Variants in DTNB observed in about 807,000 individuals in gnomAD.
DTNB encodes the protein dystrobrevin beta.
DTNB carries 63 observed loss-of-function variants against 90.7 expected under a neutral mutation model. The observed-to-expected ratio is 0.69, with a 90% CI of 0.57 to 0.86. DTNB has a LOEUF of 0.86. Ranked by LOEUF, DTNB falls within the 40% of genes least tolerant of loss-of-function variation. DTNB has a pLI of 0.00. For missense variants in DTNB, 744 were observed against 807.1 expected (o/e 0.92, Z 0.95); for synonymous variants, 277 against 286.7 (o/e 0.97, Z 0.34).
intron 10 of DTNB, among the ~76,000 whole-genome samples, chr2:25,464,106 G>A (rs1247991377): frequency 1.3e-5 from 2 of 152,108 alleles, no homozygotes; most frequent in South Asian, 2.1e-4. Context: ...TTGGGGTTTC[G>A]CCATGTTGGC....
At chr2:25,395,056 A>G (rs1269234494) in intron 16 of DTNB, among the ~76,000 whole-genome samples, 3 of 152,260 alleles carry the variant, frequency 2.0e-5, no homozygotes, top group African/African-American at 7.2e-5. Flanking sequence ...GCTATAAAAA[A>G]GAATGAAATA....
At chr2:25,429,292 G>C (rs566638735) in intron 14 of DTNB, among the ~76,000 whole-genome samples, 6 of 152,176 alleles carry the variant, frequency 3.9e-5, no homozygotes, top group African/African-American at 1.2e-4. Flanking sequence ...TTTTCAATGA[G>C]GCTGTTAGAA....
chr2:25,542,156 C>T (rs549373285), intron 8 of DTNB, among the ~76,000 whole-genome samples: 4 of 152,194 alleles, frequency 2.6e-5, no homozygotes, highest in South Asian at 4.1e-4. Flanking sequence ...ACTCTGTCAC[C>T]CAGGCTGGAG....
In DTNB at chr2:25,555,307, AAAC is replaced by A. The variant is rs1401188842; in HGVS notation, c.876+21528_876+21530del. Among the ~76,000 whole-genome samples, 715 of 150,820 alleles carry A rather than the reference AAAC, an allele frequency of 4.7e-3. 14 individuals carry two copies. The highest frequency in any genetic ancestry group is 0.017 in the African/African-American group (678 of 40,644). On this transcript the variant is annotated intron_variant, in intron 8 of 20. Transcript: ENST00000406818. ...CTCCGTCTCCAAAAAAAAAAAAAAA[AAAC>A]AAAAAGGTCTGAAGCAAATCCAGCA... is the stretch of plus-strand genomic sequence containing the variant.
intron 5 of DTNB, among the ~76,000 whole-genome samples, chr2:25,601,457 C>A (rs569241405): frequency 2.0e-5 from 3 of 152,268 alleles, no homozygotes; most frequent in African/African-American, 2.4e-5. Context: ...TCTATAATAT[C>A]TTTTGTGTAA....
chr2:25,665,081 C>T lies in DTNB; in HGVS notation c.-2+8305G>A, dbSNP rs945631093. ...GTTTCACACCTGGACTACGTCTACA[C>T]GCAGAAGTTACGTAACTCCCACAGT... On this transcript the variant is annotated intron_variant, in intron 1 of 20. Transcript: ENST00000406818. 3.3e-5 allele frequency among the ~76,000 whole-genome samples: 5 copies of T among 152,158 alleles called. No individual in the cohort carries two copies. The South Asian group carries it at 6.2e-4, about 19-fold the overall frequency.
intron 16 of DTNB, 24 bp downstream of exon 16, chr2:25,419,491 C>A: frequency 6.4e-7 from 1 of 1,557,694 alleles, no homozygotes; most frequent in Non-Finnish European, 8.7e-7. Flanking sequence ...GAGAGTCCGG[C>A]GGGAAATTCC....
At chr2:25,405,539 C>CTAAA (rs955137428) in intron 16 of DTNB, among the ~76,000 whole-genome samples, 27 of 151,868 alleles carry the variant, frequency 1.8e-4, no homozygotes, top group Admixed American at 3.9e-4. Context: ...GACTCCATCT[C>CTAAA]TAAATAAATA....
chr2:25,511,152 T>G (rs551925090), intron 9 of DTNB, among the ~76,000 whole-genome samples: 19 of 152,334 alleles, frequency 1.2e-4, no homozygotes, highest in African/African-American at 3.4e-4. Context: ...CACAACCAGA[T>G]GAACAATACA....
intron 8 of DTNB, among the ~76,000 whole-genome samples, chr2:25,543,790 C>T (rs1241752245): frequency 6.6e-6 from 1 of 151,890 alleles, no homozygotes; most frequent in Non-Finnish European, 1.5e-5. Flanking sequence ...TGGAAATTTG[C>T]TCTTTGAGTT....
intron 5 of DTNB, among the ~76,000 whole-genome samples, chr2:25,605,311 T>C (rs1347123474): frequency 2.6e-5 from 4 of 152,340 alleles, no homozygotes; most frequent in East Asian, 1.9e-4. Flanking sequence ...CCAAACACTA[T>C]TGCAATGACT....
In DTNB at chr2:25,531,579, GCTT is replaced by G; in HGVS notation, c.892_894del (p.Lys298del). The G allele has an allele frequency of 6.2e-7, 1 of 1,613,750 alleles. No individual in the cohort carries two copies. Among genetic ancestry groups the G allele is most frequent in the Non-Finnish European group, 8.5e-7 (1 of 1,179,832 alleles). On this transcript the variant is annotated inframe_deletion, in exon 9 of 21. Coordinates refer to ENST00000406818, the MANE Select transcript of DTNB (RefSeq NM_021907.5). ...AAAGATTTACTAATTGCATGGCTCA[GCTT>G]CTTTGCAGGAGATTTCTGTGTCAAA...
intron 8 of DTNB, among the ~76,000 whole-genome samples, chr2:25,550,187 C>T (rs527513321): frequency 2.0e-5 from 3 of 151,972 alleles, no homozygotes; most frequent in Admixed American, 1.3e-4. Context: ...GTCAGGAGAT[C>T]GAGACCATCC....
At chr2:25,494,162 T>A (rs1408995425) in intron 9 of DTNB, among the ~76,000 whole-genome samples, 1 of 152,118 alleles carries the variant, frequency 6.6e-6, no homozygotes, top group African/African-American at 2.4e-5. Flanking sequence ...AAACATTACG[T>A]GAATTCTCAC....
intron 10 of DTNB, among the ~76,000 whole-genome samples, chr2:25,480,774 C>T (rs1481354258): frequency 1.3e-5 from 2 of 152,148 alleles, no homozygotes; most frequent in East Asian, 1.9e-4. Context: ...TTCTTTGAAT[C>T]GGCCACCTTA....
intron 15 of DTNB, among the ~76,000 whole-genome samples, chr2:25,422,571 A>G (rs2050131295): frequency 6.6e-6 from 1 of 151,594 alleles, no homozygotes; most frequent in Admixed American, 6.6e-5. Context: ...ACATCTGGCT[A>G]ATTTTTGTAT....
intron 4 of DTNB, among the ~76,000 whole-genome samples, chr2:25,621,446 C>CTTT (rs35400547): frequency 8.3e-5 from 11 of 132,670 alleles, no homozygotes; most frequent in East Asian, 2.2e-4. Flanking sequence ...GCTAAATCAA[C>CTTT]TTTTTTTTTT....
intron 16 of DTNB, among the ~76,000 whole-genome samples, chr2:25,401,879 C>T (rs1274286928): frequency 6.6e-6 from 1 of 152,172 alleles, no homozygotes. Context: ...TAGCAGATGG[C>T]CTGTGTGGAC....
chr2:25,454,027 G>A (rs1030164075), intron 11 of DTNB, among the ~76,000 whole-genome samples: 1 of 152,030 alleles, frequency 6.6e-6, no homozygotes, highest in African/African-American at 2.4e-5. Flanking sequence ...ATGAGCGCCT[G>A]TGGTCCCAGC....
Sources: allele counts gnomAD v4.1 joint callset (sites outside exome capture counted in the v4.1 genomes callset), GRCh38; gene constraint gnomAD v4.1.1; transcripts MANE v1.5; gene names NCBI Gene and HGNC (gene_info 2026-07-23, HGNC 2026-07-21).